Variants in CDK6 observed in about 807,000 individuals in gnomAD.
CDK6 encodes the protein cyclin dependent kinase 6, also known as cyclin-dependent kinase 6.
CDK6 carries 6 observed loss-of-function variants against 37.1 expected under a neutral mutation model. That is an observed-to-expected ratio of 0.16 (90% CI 0.09 to 0.32). The LOEUF (loss-of-function observed/expected upper bound fraction) is 0.32. Among genes scored for constraint, CDK6 ranks in the 10% least tolerant of loss-of-function variants. CDK6 has a pLI of 1.00. For synonymous variants in CDK6, 160 were observed against 161.3 expected (o/e 0.99, Z 0.06); for missense variants, 224 against 418.9 (o/e 0.53, Z 4.06).
chr7:92,778,946 T>TATATATATATATATATATATATATATATA (rs1479181745), intron 2 of CDK6, among the ~76,000 whole-genome samples: 3 of 135,004 alleles, frequency 2.2e-5, no homozygotes, highest in African/African-American at 6.0e-5. Flanking sequence ...TATATATATA[T>TATATATATATATATATATATATATATATA]AAGATATTAT....
At chr7:92,736,857 GAA>G in intron 3 of CDK6, among the ~76,000 whole-genome samples, 1 of 152,112 alleles carries the variant, frequency 6.6e-6, no homozygotes, top group Non-Finnish European at 1.5e-5. Flanking sequence ...GTCTAAATTA[GAA>G]TATTGAAACA....
chr7:92,619,152 T>C (rs1371147077), intron 6 of CDK6, among the ~76,000 whole-genome samples: 1 of 152,186 alleles, frequency 6.6e-6, no homozygotes, highest in African/African-American at 2.4e-5. Context: ...TATCAATCAA[T>C]ACACTGCCTA....
At chr7:92,797,742 C>T (rs533635298) in intron 2 of CDK6, among the ~76,000 whole-genome samples, 6 of 152,302 alleles carry the variant, frequency 3.9e-5, no homozygotes, top group African/African-American at 1.4e-4. Flanking sequence ...ACTCTTTGGG[C>T]AGCACAGATG....
chr7:92,661,717 C>A (rs1796838913), intron 5 of CDK6, among the ~76,000 whole-genome samples: 1 of 152,008 alleles, frequency 6.6e-6, no homozygotes, highest in African/African-American at 2.4e-5. Flanking sequence ...TCATGGGTGG[C>A]AGAGTTGGAA....
intron 2 of CDK6, among the ~76,000 whole-genome samples, chr7:92,796,338 G>A (rs1246579769): frequency 1.3e-5 from 2 of 152,028 alleles, no homozygotes; most frequent in African/African-American, 4.8e-5. Flanking sequence ...AGCTCTATGA[G>A]ATCATAGTTT....
At chr7:92,632,304 G>T (rs538443726) in intron 5 of CDK6, among the ~76,000 whole-genome samples, 101 of 152,142 alleles carry the variant, frequency 6.6e-4, no homozygotes, top group Non-Finnish European at 1.2e-3. Context: ...TGGCTGAAGT[G>T]GCTTCTTTAA....
At chr7:92,724,727 T>C (rs529133577) in intron 4 of CDK6, among the ~76,000 whole-genome samples, 20 of 151,660 alleles carry the variant, frequency 1.3e-4, no homozygotes, top group Middle Eastern at 3.4e-3. Context: ...ATACGGATTA[T>C]TTTTTTTTAT....
At chr7:92,652,782 C>T (rs1383395473) in intron 5 of CDK6, among the ~76,000 whole-genome samples, 1 of 152,218 alleles carries the variant, frequency 6.6e-6, no homozygotes, top group East Asian at 1.9e-4. Flanking sequence ...AGTATCACTA[C>T]AGGGCAACCC....
rs140136630 is a variant in CDK6, at chr7:92,784,980, T to C, written c.234-10149A>G. ...TCAAACACTAAAATATTGCATTTAC[T>C]AGTTAATTAAAAAATCTTAACAACT... On this transcript the variant is annotated intron_variant, in intron 2 of 7. Transcript: ENST00000424848. Among the ~76,000 whole-genome samples, 20 of 152,360 alleles carry C rather than the reference T, an allele frequency of 1.3e-4. No homozygotes were observed. In the East Asian group the frequency reaches 3.7e-3, roughly 28 times the overall value.
At position 92,608,382 on chromosome 7, in the gene CDK6, A is replaced by C. The variant is rs1490784280; in HGVS notation, c.*6758T>G. The C allele has an allele frequency of 8.6e-6, 2 of 231,646 alleles. No individual in the cohort carries two copies. The highest frequency in any genetic ancestry group is 5.6e-5 in the Admixed American group (1 of 17,746). The allele number at this position is 231,646 out of a possible 1,614,324, so 14.3% of individuals were successfully genotyped here. A position where few individuals can be genotyped will look rare whatever the true frequency, so the allele number is the denominator to read the frequency against. On this transcript the variant is annotated 3_prime_UTR_variant, in exon 8 of 8. Coordinates refer to ENST00000424848, the MANE Select transcript of CDK6 (RefSeq NM_001145306.2). Reference sequence around the variant, plus strand: ...CCTAACAAAGAAAAAGAGAGAAAAGAAACTGGAAGCTAAAGAATTGAGAGC... The same window carrying C: ...CCTAACAAAGAAAAAGAGAGAAAAGCAACTGGAAGCTAAAGAATTGAGAGC...
chr7:92,671,437 C>G lies in CDK6; in HGVS notation c.636G>C (p.Met212Ile), dbSNP rs770826607. Residue 212 changes from methionine (M) to isoleucine (I), a missense_variant, in exon 5 of 8, where the codon ATG (methionine) becomes ATC (isoleucine). By Grantham distance (10) the Met-to-Ile change is conservative. Around this residue, in one of 5 missense-constraint regions of CDK6, gnomAD observed 90 missense variants for 136.2 expected, o/e 0.66. Coordinates refer to ENST00000424848, the MANE Select transcript of CDK6 (RefSeq NM_001145306.2). ...LWSVGCIFAE[M>I]FRRKPLFRGS... ...AATGTATTTCTTACTTTCTACGAAA[C>G]ATTTCTGCAAATATGCAGCCAACAC... 1 of 1,557,942 alleles carries G rather than the reference C, an allele frequency of 6.4e-7. No individual in the cohort carries two copies. The highest frequency in any genetic ancestry group is 1.9e-5 in the Admixed American group (1 of 51,564).
Position 92,612,755 on chromosome 7 carries a change from G to C in CDK6, c.*2385C>G, listed in dbSNP as rs567064328. 1.3e-4 allele frequency: 30 copies of C among 233,140 alleles called. No homozygotes were observed. In the South Asian group the frequency reaches 4.5e-3, roughly 35 times the overall value. The allele number at this position is 233,140 out of a possible 1,614,324, so 14.4% of individuals were successfully genotyped here. ...AAGAATGCTGAAAAATTCCAGTTCAGAACAGCTGCATTTTTCTTGAGTGAA... is the reference window on the plus strand; with the variant it reads ...AAGAATGCTGAAAAATTCCAGTTCACAACAGCTGCATTTTTCTTGAGTGAA... On this transcript the variant is annotated 3_prime_UTR_variant, in exon 8 of 8. Coordinates refer to ENST00000424848, the MANE Select transcript of CDK6 (RefSeq NM_001145306.2).
chr7:92,671,564 C>T, intron 4 of CDK6, 29 bp from the exon 5 acceptor site: 1 of 1,404,480 alleles, frequency 7.1e-7, no homozygotes, highest in South Asian at 1.4e-5. Context: ...CCAAGTGTTA[C>T]TGAGAAGGTG....
At chr7:92,697,114 A>G (rs1585407411) in intron 4 of CDK6, among the ~76,000 whole-genome samples, 1 of 152,228 alleles carries the variant, frequency 6.6e-6, no homozygotes, top group Non-Finnish European at 1.5e-5. Flanking sequence ...TTGGCTCTTA[A>G]TAAGTGCTTC....
At chr7:92,655,009 AT>A (rs11288006) in intron 5 of CDK6, among the ~76,000 whole-genome samples, 35,992 of 133,874 alleles carry the variant, frequency 0.27, 4,088 homozygotes, top group Middle Eastern at 0.36. Flanking sequence ...TGCCTGGATC[AT>A]TTTTTTTTTT....
In CDK6 at chr7:92,613,619, A is replaced by G. The variant is rs990438633; in HGVS notation, c.*1521T>C. ...TGAGCACAAGGCACTAGAAATAAGC[A>G]CAGCCTGGGGGATGGAGAAAAGATC... is the stretch of plus-strand genomic sequence containing the variant. On this transcript the variant is annotated 3_prime_UTR_variant, in exon 8 of 8. Coordinates refer to ENST00000424848, the MANE Select transcript of CDK6 (RefSeq NM_001145306.2). The G allele has an allele frequency of 4.3e-6, 1 of 233,270 alleles. No homozygotes were observed. Among genetic ancestry groups the G allele is most frequent in the Admixed American group, 5.6e-5 (1 of 17,784 alleles). The allele number at this position is 233,270 out of a possible 1,614,324, so 14.5% of individuals were successfully genotyped here.
chr7:92,652,586 A>T (rs150969859), intron 5 of CDK6, among the ~76,000 whole-genome samples: 127 of 152,298 alleles, frequency 8.3e-4, no homozygotes, highest in African/African-American at 2.7e-3. Flanking sequence ...CTAGTCTCAT[A>T]ATAAGAACTA....
At chr7:92,776,987 T>A (rs1799866976) in intron 2 of CDK6, among the ~76,000 whole-genome samples, 1 of 152,234 alleles carries the variant, frequency 6.6e-6, no homozygotes, top group African/African-American at 2.4e-5. Flanking sequence ...CATGCTTGTG[T>A]CCTGAATGGT....
chr7:92,650,505 C>A (rs1425622434), intron 5 of CDK6, among the ~76,000 whole-genome samples: 2 of 152,050 alleles, frequency 1.3e-5, no homozygotes, highest in East Asian at 3.9e-4. Context: ...AATTTAGTGG[C>A]TTAAAAAAAC....
Sources: gnomAD v4.1 joint callset for allele counts (sites outside exome capture counted in the v4.1 genomes callset) on GRCh38, gnomAD v4.1.1 for gene constraint, gnomAD v4.1.1 regional missense constraint, MANE v1.5 for transcripts, NCBI Gene and HGNC (gene_info 2026-07-23, HGNC 2026-07-21) for gene names.